NUP88: variants seen among roughly 807,000 people sequenced by gnomAD.
NUP88 encodes the protein nucleoporin 88.
A neutral mutation model predicts 93.9 loss-of-function variants in NUP88; 57 were observed. The ratio of observed to expected loss-of-function variants is 0.61; its 90% CI spans 0.49 to 0.76. NUP88 has a LOEUF of 0.76. NUP88 is among the 30% of genes least tolerant of loss of function. The pLI, the probability that NUP88 is intolerant of heterozygous loss-of-function variation, is 0.00. For missense variants in NUP88, 911 were observed against 901.0 expected, an observed-to-expected ratio of 1.01 and a Z score of -0.14; for synonymous variants, 346 against 336.8, an observed-to-expected ratio of 1.03 and a Z score of -0.30.
At chr17:5,418,550 C>T (rs1291298796) in intron 1 of NUP88, among the ~76,000 whole-genome samples, 3 of 152,296 alleles carry the variant, frequency 2.0e-5, no homozygotes, top group Admixed American at 2.0e-4. Context: ...CCGCGCCCGG[C>T]CTTCATAATT....
At chr17:5,413,428 TG>T (rs1395542084) in intron 3 of NUP88, among the ~76,000 whole-genome samples, 1 of 152,202 alleles carries the variant, frequency 6.6e-6, no homozygotes, top group Admixed American at 6.5e-5. Context: ...AAAATAAAAC[TG>T]AAGGTATCTG....
intron 5 of NUP88, among the ~76,000 whole-genome samples, chr17:5,406,611 A>C (rs1194960628): frequency 3.3e-5 from 5 of 152,134 alleles, no homozygotes; most frequent in Admixed American, 3.3e-4. Flanking sequence ...CAGATGGTGA[A>C]GTAGGCAGAT....
Position 5,405,122 on chromosome 17 carries a change from C to A in NUP88, c.979G>T (p.Ala327Ser). 1 of 1,614,146 alleles carries A rather than the reference C, an allele frequency of 6.2e-7. No homozygotes were observed. Among genetic ancestry groups the A allele is most frequent in the Middle Eastern group, 1.6e-4 (1 of 6,062 alleles). ...LPCVPNILVI[A>S]TESGMLYHCV... ...TGATACAGCATTCCTGATTCAGTAG[C>A]GATCACTAAGATATTGGGGACACAG... The change falls in exon 6 of 17, where the codon GCT (alanine) becomes TCT (serine). Residue 327 changes from alanine to serine, a missense_variant. Transcript: ENST00000573584.
At chr17:5,415,904 G>A (rs1373070931) in intron 2 of NUP88, among the ~76,000 whole-genome samples, 2 of 151,848 alleles carry the variant, frequency 1.3e-5, no homozygotes, top group Non-Finnish European at 2.9e-5. Flanking sequence ...CGGCACTTTG[G>A]GAGGCTAAGG....
chr17:5,402,069 C>G (rs1287292817), intron 7 of NUP88, among the ~76,000 whole-genome samples: 1 of 152,042 alleles, frequency 6.6e-6, no homozygotes, highest in African/African-American at 2.4e-5. Flanking sequence ...AAAATCCCAG[C>G]ACTGTGGGAG....
intron 8 of NUP88, among the ~76,000 whole-genome samples, chr17:5,398,108 T>C (rs1912896977): frequency 6.7e-6 from 1 of 149,494 alleles, no homozygotes; most frequent in Non-Finnish European, 1.5e-5. Flanking sequence ...AGACAGGGTT[T>C]CACCATTTTG....
chr17:5,387,772 A>C lies in NUP88; in HGVS notation c.1769+7T>G, dbSNP rs772461967. 9 of 1,612,328 alleles carry C rather than the reference A, an allele frequency of 5.6e-6. No homozygotes were observed. In the East Asian group the frequency reaches 1.8e-4, roughly 32 times the overall value. ...GATCGATGGTTTGTGAACACAGGACATCATACCTCCGCTGAATCTCCTCCT... is the reference window on the plus strand; with the variant it reads ...GATCGATGGTTTGTGAACACAGGACCTCATACCTCCGCTGAATCTCCTCCT... On this transcript the variant is annotated splice_region_variant and intron_variant, in intron 12 of 16. Coordinates refer to ENST00000573584, the MANE Select transcript of NUP88 (RefSeq NM_002532.6).
At chr17:5,412,890 A>G (rs546596141) in intron 3 of NUP88, among the ~76,000 whole-genome samples, 1 of 152,260 alleles carries the variant, frequency 6.6e-6, no homozygotes, top group South Asian at 2.1e-4. Context: ...ACTTCACCCT[A>G]TGTTCCAAAG....
chr17:5,393,234 C>T (rs987195774), intron 9 of NUP88, among the ~76,000 whole-genome samples: 4 of 151,190 alleles, frequency 2.6e-5, no homozygotes, highest in African/African-American at 7.3e-5. Flanking sequence ...GGATTACAGG[C>T]GTGAGCCACC....
At chr17:5,386,932 TA>T in intron 15 of NUP88, 51 bp downstream of exon 15, 1 of 1,603,642 alleles carries the variant, frequency 6.2e-7, no homozygotes, top group Non-Finnish European at 8.5e-7. Flanking sequence ...TTCTGTAGAA[TA>T]AGTGCTTTAA....
chr17:5,413,477 G>C (rs977635607), intron 3 of NUP88, among the ~76,000 whole-genome samples: 5 of 152,150 alleles, frequency 3.3e-5, no homozygotes, highest in African/African-American at 1.2e-4. Flanking sequence ...TTTTACATAA[G>C]GCCGATCCAG....
chr17:5,419,656 C>T lies in NUP88; in HGVS notation c.-6G>A. ...GGTCCCTCGGCGGCCGCCATCTTGG[C>T]CCAACTGCTCCCCTCACTCCAGTTG... On this transcript the variant is annotated 5_prime_UTR_variant, in exon 1 of 17. Transcript: ENST00000573584. 1 of 1,578,030 alleles carries T rather than the reference C, an allele frequency of 6.3e-7. No individual in the cohort carries two copies. Among genetic ancestry groups the T allele is most frequent in the Non-Finnish European group, 8.6e-7 (1 of 1,162,202 alleles).
intron 1 of NUP88, among the ~76,000 whole-genome samples, chr17:5,418,624 G>A (rs546483250): frequency 5.3e-5 from 8 of 152,302 alleles, no homozygotes; most frequent in African/African-American, 1.7e-4. Flanking sequence ...CAAAACTGCA[G>A]AAGCATTGCT....
chr17:5,399,189 C>A (rs1304104398), intron 8 of NUP88, among the ~76,000 whole-genome samples: 2 of 123,018 alleles, frequency 1.6e-5, no homozygotes, highest in South Asian at 6.7e-4. Context: ...CCGCACCCGG[C>A]CTTTTTTTTT....
At chr17:5,412,818 C>T (rs1016547084) in intron 3 of NUP88, among the ~76,000 whole-genome samples, 57 of 152,198 alleles carry the variant, frequency 3.7e-4, no homozygotes, top group Admixed American at 3.3e-3. Context: ...ACCTGTCCCA[C>T]TCCCCTACCC....
Position 5,419,342 on chromosome 17 carries a change from G to A in NUP88, c.297+12C>T. On this transcript the variant is annotated intron_variant, in intron 1 of 16. Coordinates refer to ENST00000573584, the MANE Select transcript of NUP88 (RefSeq NM_002532.6). ...CCGGTGAGGGTCACTTCCAAGATCG[G>A]CCTGGCATTACCTGGTACTGGGACA... 3 of 1,547,170 alleles carry A rather than the reference G, an allele frequency of 1.9e-6. No individual in the cohort carries two copies. The East Asian group carries it at 6.8e-5, about 35-fold the overall frequency.
Position 5,419,631 on chromosome 17 carries a change from G to A in NUP88, c.20C>T (p.Pro7Leu), listed in dbSNP as rs778349746. 19 of 1,592,670 alleles carry A rather than the reference G, an allele frequency of 1.2e-5. No individual in the cohort carries two copies. Among genetic ancestry groups the A allele is most frequent in the Admixed American group, 1.7e-5 (1 of 59,698 alleles). The change falls in exon 1 of 17, where the codon CCG becomes CTG. Residue 7 changes from proline to leucine, a missense_variant. Coordinates refer to ENST00000573584, the MANE Select transcript of NUP88 (RefSeq NM_002532.6). ...CTGCCACAGCTCGCCGTCGCCCACC[G>A]GTCCCTCGGCGGCCGCCATCTTGGC... MAAAEG[P>L]VGDGELWQTW... is the part of the protein sequence containing the mutation.
rs373165693 is a variant in NUP88, at chr17:5,388,887, G to C, written c.1558C>G (p.Arg520Gly). The change falls in exon 11 of 17, where the codon CGT becomes GGT. Residue 520 changes from arginine (R) to glycine (G), a missense_variant. Coordinates refer to ENST00000573584, the MANE Select transcript of NUP88 (RefSeq NM_002532.6). ...GAATCTGGGGTTTCAGCCAGAACAC[G>C]GAGGGGAGACTCTGCCACTTCAACA... Reference protein sequence around the residue: ...EDVEVAESPLRVLAETPDSFE... With the variant: ...EDVEVAESPLGVLAETPDSFE... The C allele has an allele frequency of 6.8e-6, 11 of 1,613,932 alleles. No homozygotes were observed. Among genetic ancestry groups the C allele is most frequent in the Non-Finnish European group, 8.5e-6 (10 of 1,179,852 alleles).
chr17:5,391,642 C>T lies in NUP88; in HGVS notation c.1403G>A (p.Gly468Glu), dbSNP rs1205944845. Residue 468 changes from glycine (G) to glutamate (E), a missense_variant, in exon 10 of 17, where the codon GGA becomes GAA. Transcript: ENST00000573584. ...CAGAATGTCAGGTACAATCCAAAAT[C>T]CTCGAATTGGAGCTGGCTGCCTGGA... ...LPCRQPAPIR[G>E]FWIVPDILGP... is the part of the protein sequence containing the mutation. 6 of 1,613,878 alleles carry T rather than the reference C, an allele frequency of 3.7e-6. No individual in the cohort carries two copies. Among genetic ancestry groups the T allele is most frequent in the Non-Finnish European group, 5.1e-6 (6 of 1,179,894 alleles).
Sources: gnomAD v4.1 joint callset for allele counts (sites outside exome capture counted in the v4.1 genomes callset) on GRCh38, gnomAD v4.1.1 for gene constraint, MANE v1.5 for transcripts, NCBI Gene and HGNC (gene_info 2026-07-23, HGNC 2026-07-21) for gene names.